LRRC74A: variants seen among roughly 807,000 people sequenced by gnomAD.
The protein encoded by LRRC74A is leucine rich repeat containing 74A, also known as leucine-rich repeat-containing protein 74A.
In LRRC74A, 44 loss-of-function variants were observed where a neutral mutation model predicts 57.9. The ratio of observed to expected loss-of-function variants is 0.76; its 90% CI spans 0.60 to 0.98. LRRC74A has a LOEUF of 0.98. Among genes scored for constraint, LRRC74A ranks in the 50% least tolerant of loss-of-function variants. The pLI, the probability that LRRC74A is intolerant of heterozygous loss-of-function variation, is 0.00. For missense variants in LRRC74A, 572 were observed against 574.0 expected (o/e 1.00, Z 0.04); for synonymous variants, 211 against 219.4 (o/e 0.96, Z 0.34).
intron 7 of LRRC74A, among the ~76,000 whole-genome samples, chr14:76,845,848 A>G (rs1159918155): frequency 6.6e-6 from 1 of 152,176 alleles, no homozygotes; most frequent in Non-Finnish European, 1.5e-5. Context: ...GTGAAACCCC[A>G]TCTCTACTAA....
intron 11 of LRRC74A, 33 bp downstream of exon 11, chr14:76,860,872 G>A: frequency 6.5e-7 from 1 of 1,532,408 alleles, no homozygotes; most frequent in Non-Finnish European, 8.8e-7. Context: ...GGGCCTCCAG[G>A]GAGCCCTGGG....
intron 10 of LRRC74A, 27 bp downstream of exon 10, chr14:76,857,502 C>T (rs779837020): frequency 7.4e-6 from 11 of 1,486,476 alleles, no homozygotes; most frequent in Admixed American, 5.9e-5. Context: ...TAGTTGCTTG[C>T]GTCTGGGCAC....
intron 12 of LRRC74A, among the ~76,000 whole-genome samples, 195 bp from the exon 13 acceptor site, chr14:76,867,161 T>G (rs1039008587): frequency 0.013 from 11 of 818 alleles, no homozygotes; most frequent in Non-Finnish European, 0.024. Flanking sequence ...GTGTTGGGGG[T>G]GGGGTGTGTG....
At chr14:76,844,390 C>T (rs1267564996) in intron 5 of LRRC74A, 33 bp from the exon 6 acceptor site, 2 of 1,599,432 alleles carry the variant, frequency 1.3e-6, no homozygotes, top group Non-Finnish European at 1.7e-6. Context: ...CATGGTCTAG[C>T]AGTGCATCAC....
At position 76,850,817 on chromosome 14, in the gene LRRC74A, G is replaced by A. The variant is rs371075877; in HGVS notation, c.677-1548G>A. On this transcript the variant is annotated intron_variant, in intron 7 of 13. Coordinates refer to ENST00000689127, the MANE Select transcript of LRRC74A (RefSeq NM_001385106.1). The stretch of plus-strand genomic sequence containing the variant: ...CAGGAGGCGGAGGTTGCAGTGAGCC[G>A]AGATTGTCAAGGGCAAAACTCTGTC... 2.6e-4 allele frequency among the ~76,000 whole-genome samples: 37 copies of A among 140,496 alleles called. 2 individuals are homozygous for A. The South Asian group carries it at 7.3e-3, about 28-fold the overall frequency. The allele number at this position is 140,496 out of a possible 152,430, so 92.2% of individuals were successfully genotyped here. A position where few individuals can be genotyped will look rare whatever the true frequency, so the allele number is the denominator to read the frequency against.
chr14:76,864,603 C>T (rs1487308880), intron 11 of LRRC74A, among the ~76,000 whole-genome samples: 1 of 152,142 alleles, frequency 6.6e-6, no homozygotes, highest in Non-Finnish European at 1.5e-5. Context: ...CCTGTAATCC[C>T]AGCACTTTGG....
chr14:76,841,797 C>T (rs887864805), intron 5 of LRRC74A, among the ~76,000 whole-genome samples: 1 of 151,230 alleles, frequency 6.6e-6, no homozygotes, highest in Non-Finnish European at 1.5e-5. Flanking sequence ...ACTGCAGTCT[C>T]TGCCTCCTGG....
intron 5 of LRRC74A, among the ~76,000 whole-genome samples, chr14:76,839,001 C>T (rs1409567288): frequency 6.6e-6 from 1 of 152,170 alleles, no homozygotes; most frequent in Admixed American, 6.6e-5. Context: ...CTTTCTATGG[C>T]AGAACAAATA....
intron 5 of LRRC74A, among the ~76,000 whole-genome samples, chr14:76,842,245 T>A (rs1896824386): frequency 6.6e-6 from 1 of 152,218 alleles, no homozygotes; most frequent in Non-Finnish European, 1.5e-5. Context: ...TTCTAACATT[T>A]TGTTAATTAA....
At chr14:76,853,754 T>C (rs1366390990) in intron 9 of LRRC74A, among the ~76,000 whole-genome samples, 1 of 151,892 alleles carries the variant, frequency 6.6e-6, no homozygotes, top group Non-Finnish European at 1.5e-5. Context: ...GCTTTTTGTT[T>C]TGTTTTGTTT....
chr14:76,853,418 T>G lies in LRRC74A; in HGVS notation c.957+8T>G. The G allele has an allele frequency of 6.8e-7, 1 of 1,478,066 alleles. No homozygotes were observed. Among genetic ancestry groups the G allele is most frequent in the Non-Finnish European group, 9.2e-7 (1 of 1,085,546 alleles). The allele number at this position is 1,478,066 out of a possible 1,614,324, so 91.6% of individuals were successfully genotyped here. The stretch of plus-strand genomic sequence containing the variant: ...AGCCTCAGAGTTCTGAAGGTAGTCT[T>G]CAGCTGGAAAGGGTGTGTGTGTGTG... On this transcript the variant is annotated splice_region_variant and intron_variant, in intron 9 of 13. Transcript: ENST00000689127.
chr14:76,837,099 G>A (rs889486343), intron 4 of LRRC74A, among the ~76,000 whole-genome samples: 6 of 150,012 alleles, frequency 4.0e-5, no homozygotes, highest in South Asian at 2.1e-4. Flanking sequence ...CCGAGATGAC[G>A]CCACTGCACT....
In LRRC74A at chr14:76,853,373, A is replaced by G; in HGVS notation, c.920A>G (p.Lys307Arg). The change falls in exon 9 of 14, where the codon AAA (lysine) becomes AGA (arginine). Residue 307 changes from lysine (K) to arginine (R), a missense_variant. Transcript: ENST00000689127. ...IGNEGASKIS[K>R]GLESNESLRV... ...AATGAAGGGGCCTCCAAAATCAGCA[A>G]AGGACTGGAATCCAATGAAAGCCTC... 6.2e-7 allele frequency: 1 copy of G among 1,612,876 alleles called. No individual in the cohort carries two copies. The highest frequency in any genetic ancestry group is 8.5e-7 in the Non-Finnish European group (1 of 1,179,568).
intron 9 of LRRC74A, among the ~76,000 whole-genome samples, chr14:76,854,481 C>T (rs1044655584): frequency 2.6e-5 from 4 of 152,174 alleles, no homozygotes; most frequent in Non-Finnish European, 5.9e-5. Context: ...ATTGTGCATG[C>T]CTGTAATCCC....
intron 5 of LRRC74A, among the ~76,000 whole-genome samples, chr14:76,841,905 T>A (rs1032058658): frequency 6.6e-6 from 1 of 151,962 alleles, no homozygotes; most frequent in East Asian, 1.9e-4. Context: ...AGAGATGGGG[T>A]TTCTCCATGT....
rs185486651 is a variant in LRRC74A at position 76,852,295 on chromosome 14, C to T, written c.677-70C>T. 9 of 1,207,740 alleles carry T rather than the reference C, an allele frequency of 7.5e-6. No individual in the cohort carries two copies. The East Asian group carries it at 2.3e-4, about 31-fold the overall frequency. The allele number at this position is 1,207,740 out of a possible 1,614,324, so 74.8% of individuals were successfully genotyped here. On this transcript the variant is annotated intron_variant, in intron 7 of 13. Transcript: ENST00000689127. Reference sequence around the variant, plus strand: ...TGGTCTTTATCCCCAGTGTCATGGACATCTGTTAACTCTGAGAATGGGTTT... The same window carrying T: ...TGGTCTTTATCCCCAGTGTCATGGATATCTGTTAACTCTGAGAATGGGTTT...
At chr14:76,836,092 A>T in intron 3 of LRRC74A, 115 bp from the exon 4 acceptor site, 1 of 741,942 alleles carries the variant, frequency 1.3e-6, no homozygotes, top group Non-Finnish European at 2.3e-6. Context: ...AGGCCTTCAG[A>T]ATTCCTAGCC....
chr14:76,835,448 C>A (rs1896257284), intron 3 of LRRC74A, among the ~76,000 whole-genome samples: 2 of 148,898 alleles, frequency 1.3e-5, no homozygotes, highest in South Asian at 4.2e-4. Context: ...GATCACGCCA[C>A]TGCACTCCAT....
chr14:76,837,980 A>T lies in LRRC74A; in HGVS notation c.544+9A>T. ...GAGCCTTGAGCTTTCAGGTGAGCAC[A>T]TGGAAAGGGAGGGAGAAGACACTGG... On this transcript the variant is annotated intron_variant, in intron 5 of 13. Transcript: ENST00000689127. The T allele has an allele frequency of 6.6e-7, 1 of 1,522,226 alleles. No individual in the cohort carries two copies. The highest frequency in any genetic ancestry group is 9.0e-7 in the Non-Finnish European group (1 of 1,115,812). The allele number at this position is 1,522,226 out of a possible 1,614,324, so 94.3% of individuals were successfully genotyped here. A position where few individuals can be genotyped will look rare whatever the true frequency, so the allele number is the denominator to read the frequency against.
Sources: gnomAD v4.1 joint callset for allele counts (sites outside exome capture counted in the v4.1 genomes callset) on GRCh38, gnomAD v4.1.1 for gene constraint, MANE v1.5 for transcripts, NCBI Gene and HGNC (gene_info 2026-07-23, HGNC 2026-07-21) for gene names.